Variants in SDK1 observed in about 807,000 individuals in gnomAD.
SDK1 encodes the protein sidekick cell adhesion molecule 1.
A neutral mutation model predicts 245.5 loss-of-function variants in SDK1; 157 were observed. The observed-to-expected ratio is 0.64, with a 90% CI of 0.56 to 0.73. The LOEUF (loss-of-function observed/expected upper bound fraction) is 0.73. Among genes scored for constraint, SDK1 ranks in the 30% least tolerant of loss-of-function variants. The probability of loss-of-function intolerance (pLI) is 0.00; values close to 1 mark genes in which losing one functional copy is unlikely to be tolerated. For missense variants in SDK1, 3,583 were observed against 3,002.3 expected (o/e 1.19, Z -4.52); for synonymous variants, 1,647 against 1,278.5 (o/e 1.29, Z -6.15).
intron 1 of SDK1, among the ~76,000 whole-genome samples, chr7:3,441,867 G>C (rs1398204091): frequency 6.6e-6 from 1 of 152,094 alleles, no homozygotes; most frequent in African/African-American, 2.4e-5. Flanking sequence ...TGATACTTAG[G>C]GTACCTTGAA....
intron 1 of SDK1, among the ~76,000 whole-genome samples, chr7:3,354,740 T>G (rs1780747892): frequency 6.6e-6 from 1 of 152,256 alleles, no homozygotes; most frequent in Admixed American, 6.5e-5. Context: ...TGTTAACCCC[T>G]GCCCTTATTA....
chr7:3,483,006 A>T (rs1162791810), intron 1 of SDK1, among the ~76,000 whole-genome samples: 2 of 151,806 alleles, frequency 1.3e-5, no homozygotes, highest in Non-Finnish European at 2.9e-5. Flanking sequence ...TGTTAAAATC[A>T]CACCAGTTTA....
intron 1 of SDK1, among the ~76,000 whole-genome samples, chr7:3,361,835 A>G (rs1310585007): frequency 6.6e-6 from 1 of 152,234 alleles, no homozygotes; most frequent in Non-Finnish European, 1.5e-5. Context: ...CAAGATGGTT[A>G]TTTAAAGTGC....
chr7:3,791,134 A>G (rs1781069152), intron 4 of SDK1, among the ~76,000 whole-genome samples: 1 of 152,060 alleles, frequency 6.6e-6, no homozygotes. Flanking sequence ...GGTATGTAGT[A>G]AATATTACAT....
intron 1 of SDK1, among the ~76,000 whole-genome samples, chr7:3,353,932 T>G (rs1410947440): frequency 2.6e-5 from 4 of 152,020 alleles, no homozygotes; most frequent in Non-Finnish European, 4.4e-5. Context: ...ACTGACTTGC[T>G]CAGGGAACAC....
rs917835882 is a variant in SDK1 at position 4,026,582 on chromosome 7, G to GA, written c.2602+9239dup. Among the ~76,000 whole-genome samples the GA allele has an allele frequency of 1.6e-4, 24 of 150,084 alleles. No homozygotes were observed. The highest frequency in any genetic ancestry group is 3.9e-4 in the East Asian group (2 of 5,122). The stretch of plus-strand genomic sequence containing the variant: ...TCAATGCCTGGCAAGTAAAGATTTG[G>GA]AAAAAAAAATAAGTTCAGAAAGGAA... On this transcript the variant is annotated intron_variant, in intron 17 of 44. Transcript: ENST00000404826. The surrounding 1 kb of genome is among the most constrained non-coding windows in gnomAD (Gnocchi z 4.1).
chr7:3,365,090 T>TA (rs1323377484), intron 1 of SDK1, among the ~76,000 whole-genome samples: 2 of 152,208 alleles, frequency 1.3e-5, no homozygotes, highest in African/African-American at 2.4e-5. Flanking sequence ...TAGGAGTTTT[T>TA]ATCTTATATC....
Position 3,802,779 on chromosome 7 carries a change from G to C in SDK1, c.714-18671G>C, listed in dbSNP as rs545816351. On this transcript the variant is annotated intron_variant, in intron 4 of 44. Coordinates refer to ENST00000404826, the MANE Select transcript of SDK1 (RefSeq NM_152744.4). ...CTCTTGAGACCCATCCAAGTTGCAT[G>C]TATCAATGGCTTGTTTCTTTTTATT... is the stretch of plus-strand genomic sequence containing the variant. Among the ~76,000 whole-genome samples the C allele has an allele frequency of 3.7e-3, 560 of 152,302 alleles. 4 individuals are homozygous for C. Among genetic ancestry groups the C allele is most frequent in the African/African-American group, 0.013 (543 of 41,554 alleles).
chr7:3,554,722 TAAAC>T (rs1004974272), intron 1 of SDK1, among the ~76,000 whole-genome samples: 5 of 152,130 alleles, frequency 3.3e-5, no homozygotes, highest in Non-Finnish European at 7.4e-5. Context: ...ATATAACTGA[TAAAC>T]AAATTCATTA....
intron 5 of SDK1, among the ~76,000 whole-genome samples, chr7:3,861,945 C>G (rs1332358260): frequency 6.6e-6 from 1 of 152,138 alleles, no homozygotes; most frequent in East Asian, 1.9e-4. Flanking sequence ...ACACAAAAAC[C>G]TGCAGAGCAT....
chr7:3,435,315 G>A (rs1779987468), intron 1 of SDK1, among the ~76,000 whole-genome samples: 2 of 125,064 alleles, frequency 1.6e-5, no homozygotes, highest in Non-Finnish European at 3.3e-5. Context: ...TTATGAAGGG[G>A]ACTGCCTTTT....
At chr7:3,365,469 A>G (rs1349557930) in intron 1 of SDK1, among the ~76,000 whole-genome samples, 1 of 152,184 alleles carries the variant, frequency 6.6e-6, no homozygotes, top group Non-Finnish European at 1.5e-5. Context: ...TTTTCAATTC[A>G]AATTTAGCAG....
chr7:3,357,751 C>T (rs1780844527), intron 1 of SDK1, among the ~76,000 whole-genome samples: 1 of 152,084 alleles, frequency 6.6e-6, no homozygotes, highest in African/African-American at 2.4e-5. Context: ...TTGGTCATGA[C>T]ACAGAAACAA....
At chr7:3,999,269 G>T (rs972922875) in intron 14 of SDK1, among the ~76,000 whole-genome samples, 4 of 152,102 alleles carry the variant, frequency 2.6e-5, no homozygotes, top group Non-Finnish European at 2.9e-5. Context: ...GTCAGTTCAC[G>T]CAAGTCTGCA....
At chr7:3,654,222 T>A (rs910712731) in intron 4 of SDK1, among the ~76,000 whole-genome samples, 3 of 152,052 alleles carry the variant, frequency 2.0e-5, no homozygotes, top group African/African-American at 7.3e-5. Context: ...TTCTTTTCGT[T>A]GTTGTTCTCA....
intron 44 of SDK1, among the ~76,000 whole-genome samples, chr7:4,258,989 G>C (rs1388979444): frequency 3.3e-5 from 5 of 152,174 alleles, no homozygotes; most frequent in African/African-American, 9.7e-5. Flanking sequence ...ATTCCAAGTT[G>C]GTCTCTAAAG....
chr7:4,129,629 C>T, intron 26 of SDK1: 3 of 1,295,616 alleles, frequency 2.3e-6, no homozygotes, highest in Non-Finnish European at 2.0e-6. Context: ...GGCATGGCTG[C>T]AGTTGGGCCC....
intron 1 of SDK1, among the ~76,000 whole-genome samples, chr7:3,426,947 GC>G (rs1336980638): frequency 1.3e-5 from 2 of 152,276 alleles, no homozygotes; most frequent in East Asian, 3.9e-4. Flanking sequence ...GTTAGCTCTT[GC>G]TTGCCTTCCA....
At chr7:3,486,586 T>C (rs1781701571) in intron 1 of SDK1, among the ~76,000 whole-genome samples, 1 of 152,142 alleles carries the variant, frequency 6.6e-6, no homozygotes, top group Admixed American at 6.5e-5. Flanking sequence ...CCAGTCTTTA[T>C]TTTGTGCGCT....
Sources: gnomAD v4.1 joint callset for allele counts (sites outside exome capture counted in the v4.1 genomes callset) on GRCh38, gnomAD v4.1.1 for gene constraint, Gnocchi (gnomAD v3.1) non-coding constraint, MANE v1.5 for transcripts, NCBI Gene and HGNC (gene_info 2026-07-23, HGNC 2026-07-21) for gene names.